Variants in TANGO2 observed in about 807,000 individuals in gnomAD.
TANGO2 encodes the protein transport and golgi organization 2 homolog, also known as transport and Golgi organization protein 2 homolog.
Under a neutral mutation model 39.1 loss-of-function variants are expected in TANGO2, and 26 were observed. The observed-to-expected ratio is 0.67, with a 90% confidence interval of 0.49 to 0.92. TANGO2 has a LOEUF of 0.92. Among genes scored for constraint, TANGO2 ranks in the 40% least tolerant of loss-of-function variants. TANGO2 has a pLI of 0.00. For missense variants in TANGO2, 326 were observed against 360.1 expected, an observed-to-expected ratio of 0.91 and a Z score of 0.77; for synonymous variants, 131 against 144.5, an observed-to-expected ratio of 0.91 and a Z score of 0.67.
upstream of TANGO2, among the ~76,000 whole-genome samples, chr22:20,017,368 T>TGGGGCCTGGGGGCTCTG (rs1420139802): frequency 2.0e-5 from 3 of 152,198 alleles, no homozygotes; most frequent in Non-Finnish European, 4.4e-5. Context: ...CGTCTGACCC[T>TGGGGCCTGGGGGCTCTG]GGGGCCTGGG....
At chr22:20,061,840 C>T in intron 7 of TANGO2, 157 bp downstream of exon 7, 1 of 967,912 alleles carries the variant, frequency 1.0e-6, no homozygotes, top group Middle Eastern at 3.3e-4. Context: ...CTGCCTGTCC[C>T]CTTGAGCCAG....
At chr22:20,028,974 C>T (rs1165936229) in intron 1 of TANGO2, among the ~76,000 whole-genome samples, 1 of 152,254 alleles carries the variant, frequency 6.6e-6, no homozygotes, top group Non-Finnish European at 1.5e-5. Flanking sequence ...TGTGCGCATC[C>T]ATCAGGGTGC....
intron 3 of TANGO2, among the ~76,000 whole-genome samples, chr22:20,047,166 A>G (rs1328471736): frequency 6.6e-6 from 1 of 151,956 alleles, no homozygotes; most frequent in Admixed American, 6.6e-5. Context: ...AGGATCTGCC[A>G]TTAGGTAGAT....
chr22:20,020,876 G>A (rs1025880012), upstream of TANGO2, among the ~76,000 whole-genome samples: 3 of 152,114 alleles, frequency 2.0e-5, no homozygotes, highest in Non-Finnish European at 2.9e-5. Flanking sequence ...CGGAGTCCCC[G>A]AAGGCCGCTG....
At chr22:20,037,787 TG>T (rs761748854) in intron 2 of TANGO2, among the ~76,000 whole-genome samples, 4 of 151,886 alleles carry the variant, frequency 2.6e-5, no homozygotes, top group Non-Finnish European at 5.9e-5. Context: ...GGCTAGTGAG[TG>T]AACAGAACTC....
In TANGO2 at chr22:20,024,819, C is replaced by T. The variant is rs114187652; in HGVS notation, c.-40+3573C>T. ...TTCGCTTGCCAAAGGGAAGTGGTTC[C>T]GCCAAAAGCGTGTGTCCCATCCCCT... is the stretch of plus-strand genomic sequence containing the variant. On this transcript the variant is annotated intron_variant, in intron 1 of 8. Transcript: ENST00000327374. Among the ~76,000 whole-genome samples the T allele has an allele frequency of 2.1e-3, 322 of 152,260 alleles. 1 individual carries two copies. Among genetic ancestry groups the T allele is most frequent in the African/African-American group, 7.2e-3 (300 of 41,564 alleles).
At chr22:20,063,578 C>A in intron 8 of TANGO2, 136 bp downstream of exon 8, 1 of 820,772 alleles carries the variant, frequency 1.2e-6, no homozygotes, top group Non-Finnish European at 1.9e-6. Context: ...AGCTTCTGCC[C>A]TGTCCAGACG....
intron 8 of TANGO2, among the ~76,000 whole-genome samples, chr22:20,063,909 G>A (rs559232493): frequency 6.6e-6 from 1 of 152,398 alleles, no homozygotes; most frequent in African/African-American, 2.4e-5. Flanking sequence ...CTCCCTGGCA[G>A]GCCGCATAGC....
rs1468395243 is a variant in TANGO2 at position 20,056,194 on chromosome 22, C to T, written c.451+181C>T. ...ACCTGGACACTTCAGAGAGCCCTGG[C>T]TCCCTGCTCACCCCCTCCCCATGGG... On this transcript the variant is annotated intron_variant, in intron 6 of 8. Transcript: ENST00000327374. 5 of 703,858 alleles carry T rather than the reference C, an allele frequency of 7.1e-6. No individual in the cohort carries two copies. In the South Asian group the frequency reaches 7.5e-5, roughly 11 times the overall value. 43.6% of individuals were successfully genotyped at this position (703,858 alleles called of 1,614,324 possible). A position where few individuals can be genotyped will look rare whatever the true frequency, so the allele number is the denominator to read the frequency against.
upstream of TANGO2, among the ~76,000 whole-genome samples, chr22:20,020,232 C>T (rs1179813786): frequency 6.6e-6 from 1 of 152,236 alleles, no homozygotes; most frequent in Non-Finnish European, 1.5e-5. Context: ...GTGCTTTACA[C>T]ATTATCATTA....
At chr22:20,039,988 C>A (rs1465087365) in intron 2 of TANGO2, among the ~76,000 whole-genome samples, 1 of 152,128 alleles carries the variant, frequency 6.6e-6, no homozygotes, top group African/African-American at 2.4e-5. Flanking sequence ...GGTGACTTGC[C>A]ATCCTCAGGG....
intron 3 of TANGO2, among the ~76,000 whole-genome samples, chr22:20,044,691 G>A (rs978663811): frequency 6.6e-6 from 1 of 152,210 alleles, no homozygotes; most frequent in Admixed American, 6.5e-5. Flanking sequence ...AGGCAGGGTG[G>A]TCCTAGGCCT....
intron 7 of TANGO2, 178 bp downstream of exon 7, chr22:20,061,861 C>T (rs1317779340): frequency 1.3e-6 from 1 of 796,080 alleles, no homozygotes; most frequent in Non-Finnish European, 1.9e-6. Flanking sequence ...CTGAGGTTTC[C>T]AACACCAGGG....
At chr22:20,059,001 A>G (rs943550412) in intron 6 of TANGO2, among the ~76,000 whole-genome samples, 2 of 152,192 alleles carry the variant, frequency 1.3e-5, no homozygotes, top group African/African-American at 4.8e-5. Context: ...GAGCTCTAGG[A>G]CACAGTTGGA....
chr22:20,059,574 C>T (rs911697522), intron 6 of TANGO2, among the ~76,000 whole-genome samples: 10 of 152,164 alleles, frequency 6.6e-5, no homozygotes, highest in African/African-American at 1.4e-4. Flanking sequence ...ATGATAGCCA[C>T]GATAGTGGGT....
chr22:20,029,068 C>T (rs946751891), intron 1 of TANGO2, among the ~76,000 whole-genome samples: 13 of 152,242 alleles, frequency 8.5e-5, no homozygotes, highest in African/African-American at 3.1e-4. Flanking sequence ...TTTGCCCAGG[C>T]GTTCTGTCTG....
intron 3 of TANGO2, among the ~76,000 whole-genome samples, chr22:20,050,237 G>A (rs1236049116): frequency 6.6e-6 from 1 of 151,464 alleles, no homozygotes; most frequent in Non-Finnish European, 1.5e-5. Context: ...AAACACTATT[G>A]AATCTTTCAG....
intron 2 of TANGO2, among the ~76,000 whole-genome samples, chr22:20,037,674 G>T (rs541373072): frequency 6.6e-6 from 1 of 152,274 alleles, no homozygotes; most frequent in East Asian, 1.9e-4. Flanking sequence ...TTGCAGTTGG[G>T]TGAGTGGCAG....
chr22:20,029,923 G>A (rs1569240841), intron 1 of TANGO2, among the ~76,000 whole-genome samples: 1 of 152,124 alleles, frequency 6.6e-6, no homozygotes, highest in Non-Finnish European at 1.5e-5. Flanking sequence ...GACCTCTTTT[G>A]TCACATCTGT....
Sources: gnomAD v4.1 joint callset for allele counts (sites outside exome capture counted in the v4.1 genomes callset) on GRCh38, gnomAD v4.1.1 for gene constraint, MANE v1.5 for transcripts, NCBI Gene and HGNC (gene_info 2026-07-23, HGNC 2026-07-21) for gene names.